The following PRDX1 variants were observed in gnomAD, a reference collection of about 807,000 sequenced individuals.
PRDX1 encodes the protein peroxiredoxin 1.
Under a neutral mutation model 20.7 loss-of-function variants are expected in PRDX1, and 19 were observed. The observed-to-expected ratio is 0.92, with a 90% CI of 0.64 to 1.35. The LOEUF (loss-of-function observed/expected upper bound fraction) is 1.35, where lower values mean the gene tolerates loss of function less well. PRDX1 is among the 40% of genes most tolerant of loss of function. The probability of loss-of-function intolerance (pLI) is 0.00; values close to 1 mark genes in which losing one functional copy is unlikely to be tolerated. For missense variants in PRDX1, 226 were observed against 240.0 expected (o/e 0.94, Z 0.38); for synonymous variants, 89 against 83.9 (o/e 1.06, Z -0.33).
chr1:45,511,712 G>A (rs1240875641), intron 5 of PRDX1: 2 of 233,036 alleles, frequency 8.6e-6, no homozygotes, highest in Non-Finnish European at 1.7e-5. Context: ...TCCTTAAGGG[G>A]AAAAAAAAGC....
At chr1:45,514,220 T>C (rs1159005322) in intron 5 of PRDX1, among the ~76,000 whole-genome samples, 1 of 152,160 alleles carries the variant, frequency 6.6e-6, no homozygotes, top group Non-Finnish European at 1.5e-5. Context: ...CACGTGTTTA[T>C]CTGCTGACCT....
Position 45,514,758 on chromosome 1 carries a change from TGAG to T in PRDX1, c.383+112_383+114del, listed in dbSNP as rs1168844268. ...CACACTCCTACTGGCCTGGCCTTAG[TGAG>T]GAGGCCCCTGCATAAAGGAATGAAA... is the stretch of plus-strand genomic sequence containing the variant. On this transcript the variant is annotated intron_variant, in intron 4 of 5. Transcript: ENST00000319248. The T allele has an allele frequency of 1.9e-6, 3 of 1,565,708 alleles. No homozygotes were observed. In the African/African-American group the frequency reaches 4.1e-5, roughly 21 times the overall value.
At chr1:45,513,798 C>A (rs1170999856) in intron 5 of PRDX1, among the ~76,000 whole-genome samples, 1 of 152,210 alleles carries the variant, frequency 6.6e-6, no homozygotes, top group East Asian at 1.9e-4. Flanking sequence ...GGGACACAAA[C>A]ACTGCGGAAG....
rs1233492049 is a variant in PRDX1, at chr1:45,518,924, G to A, written c.106+14C>T. 6.4e-7 allele frequency: 1 copy of A among 1,559,354 alleles called. No individual in the cohort carries two copies. The highest frequency in any genetic ancestry group is 8.8e-7 in the Non-Finnish European group (1 of 1,138,358). On this transcript the variant is annotated intron_variant, in intron 2 of 5. Coordinates refer to ENST00000319248, the MANE Select transcript of PRDX1 (RefSeq NM_181697.3). ...ATAACTCCATCTCAATGAGCCCAGT[G>A]TTAATTCTCTCACCTTTGTAGTCAG... is the stretch of plus-strand genomic sequence containing the variant.
chr1:45,514,428 A>G, intron 5 of PRDX1, 79 bp downstream of exon 5: 1 of 1,525,264 alleles, frequency 6.6e-7, no homozygotes, highest in Non-Finnish European at 9.0e-7. Context: ...ACCTAACGAG[A>G]AACACCCACA....
At chr1:45,520,406 A>G (rs111667496) in intron 1 of PRDX1, among the ~76,000 whole-genome samples, 43 of 152,156 alleles carry the variant, frequency 2.8e-4, no homozygotes, top group African/African-American at 9.9e-4. Context: ...CACTGGATTC[A>G]CCCAGATCAA....
chr1:45,512,128 G>C (rs1643763057), intron 5 of PRDX1: 1 of 138,504 alleles, frequency 7.2e-6, no homozygotes, highest in African/African-American at 2.8e-5. Flanking sequence ...GCCCAGGCTG[G>C]AGTACGGTGG....
intron 1 of PRDX1, among the ~76,000 whole-genome samples, chr1:45,520,726 A>G (rs35711986): frequency 3.4e-5 from 5 of 147,424 alleles, no homozygotes; most frequent in African/African-American, 1.3e-4. Flanking sequence ...TCCGTCTCAA[A>G]AAAAAAAAAA....
At chr1:45,518,467 C>CAAAAAAAAAAAAA (rs35407028) in intron 2 of PRDX1, among the ~76,000 whole-genome samples, 2 of 48,068 alleles carry the variant, frequency 4.2e-5, no homozygotes, top group African/African-American at 9.7e-5. Flanking sequence ...AACTCCATCT[C>CAAAAAAAAAAAAA]AAAAAAAAAA....
chr1:45,518,322 C>T (rs1643878726), intron 2 of PRDX1, among the ~76,000 whole-genome samples: 2 of 151,944 alleles, frequency 1.3e-5, no homozygotes, highest in Non-Finnish European at 2.9e-5. Context: ...AAAAAATTAG[C>T]CAGGCATGAT....
intron 2 of PRDX1, among the ~76,000 whole-genome samples, chr1:45,518,227 C>A (rs1643877872): frequency 6.6e-6 from 1 of 151,890 alleles, no homozygotes; most frequent in African/African-American, 2.4e-5. Flanking sequence ...TTTTGGGACG[C>A]CGAGGTGGGC....
intron 1 of PRDX1, 73 bp from the exon 2 acceptor site, chr1:45,519,127 G>A: frequency 9.6e-7 from 1 of 1,037,254 alleles, no homozygotes. Flanking sequence ...CCTACTTAAA[G>A]AGACTTAGCT....
chr1:45,518,559 G>C (rs1643881016), intron 2 of PRDX1, among the ~76,000 whole-genome samples: 1 of 151,628 alleles, frequency 6.6e-6, no homozygotes, highest in African/African-American at 2.4e-5. Flanking sequence ...TGAGGTAGGA[G>C]GACCACCTGA....
At chr1:45,521,902 C>A (rs17522918), upstream of PRDX1, 15,929 of 152,590 alleles carry the variant, frequency 0.1, 952 homozygotes, top group Admixed American at 0.18. Flanking sequence ...CTCTCCGGGG[C>A]GCTGCCTTTA....
chr1:45,522,360 C>A (rs553671947), upstream of PRDX1, among the ~76,000 whole-genome samples: 1 of 152,294 alleles, frequency 6.6e-6, no homozygotes, highest in South Asian at 2.1e-4. Context: ...TAGATAGCTT[C>A]CTTCATTGTT....
At chr1:45,521,428 C>A (rs915983329) in intron 1 of PRDX1, among the ~76,000 whole-genome samples, 1 of 152,190 alleles carries the variant, frequency 6.6e-6, no homozygotes, top group African/African-American at 2.4e-5. Context: ...CCGGAACAGC[C>A]AAATACATAG....
At chr1:45,514,444 GAAGGGGCAACCCA>G (rs1643819722) in intron 5 of PRDX1, 50 bp downstream of exon 5, 1 of 1,589,954 alleles carries the variant, frequency 6.3e-7, no homozygotes, top group African/African-American at 1.3e-5. Context: ...CCACAGGTGT[GAAGGGGCAACCCA>G]CCCCTTCATA....
At chr1:45,516,866 C>CA (rs1643866119) in intron 2 of PRDX1, among the ~76,000 whole-genome samples, 6 of 151,774 alleles carry the variant, frequency 4.0e-5, no homozygotes, top group Admixed American at 3.3e-4. Context: ...ACTAAAAATA[C>CA]AAAAATTAGC....
chr1:45,516,467 A>AAT (rs951394587), intron 2 of PRDX1, among the ~76,000 whole-genome samples: 6 of 152,166 alleles, frequency 3.9e-5, no homozygotes, highest in South Asian at 2.1e-4. Context: ...AAACAACAGA[A>AAT]ATATATATAT....
Sources: gnomAD v4.1 joint callset for allele counts (sites outside exome capture counted in the v4.1 genomes callset) on GRCh38, gnomAD v4.1.1 for gene constraint, MANE v1.5 for transcripts, NCBI Gene and HGNC (gene_info 2026-07-23, HGNC 2026-07-21) for gene names.